Variants in PTPRD observed in about 807,000 individuals in gnomAD.
PTPRD encodes the protein receptor-type tyrosine-protein phosphatase delta.
Under a neutral mutation model 214.5 loss-of-function variants are expected in PTPRD, and 34 were observed. That is an observed-to-expected ratio of 0.16 (90% CI 0.12 to 0.21). The LOEUF is 0.21. Ranked by LOEUF, PTPRD falls within the 10% of genes least tolerant of loss-of-function variation. The pLI, the probability that PTPRD is intolerant of heterozygous loss-of-function variation, is 1.00. For missense variants in PTPRD, 2,545 were observed against 2,398.7 expected (o/e 1.06, Z -1.27); for synonymous variants, 1,128 against 845.7 (o/e 1.33, Z -5.79).
At chr9:9,549,142 G>T (rs971591819) in intron 8 of PTPRD, among the ~76,000 whole-genome samples, 1 of 151,714 alleles carries the variant, frequency 6.6e-6, no homozygotes, top group African/African-American at 2.4e-5. Context: ...ACTTATAAAA[G>T]AAAAAAAGCT....
intron 10 of PTPRD, among the ~76,000 whole-genome samples, chr9:9,052,403 A>ATAGT (rs1241234860): frequency 1.3e-5 from 2 of 152,176 alleles, no homozygotes; most frequent in East Asian, 3.8e-4. Flanking sequence ...TGTGACCCTA[A>ATAGT]TAGTAGATTG....
At chr9:10,097,120 A>T (rs1387362604) in intron 3 of PTPRD, among the ~76,000 whole-genome samples, 1 of 148,358 alleles carries the variant, frequency 6.7e-6, no homozygotes, top group Non-Finnish European at 1.5e-5. Context: ...TACCAGTACC[A>T]TGCTGTTTTG....
intron 3 of PTPRD, among the ~76,000 whole-genome samples, chr9:10,125,714 C>A (rs920179591): frequency 7.9e-5 from 12 of 151,132 alleles, no homozygotes; most frequent in Non-Finnish European, 1.5e-4. Flanking sequence ...GAACTCCTTT[C>A]CTCGGGATCC....
chr9:10,576,192 T>G (rs1278552108), intron 2 of PTPRD, among the ~76,000 whole-genome samples: 1 of 152,134 alleles, frequency 6.6e-6, no homozygotes, highest in Non-Finnish European at 1.5e-5. Flanking sequence ...AAATTTAATT[T>G]TCTTACTGCA....
intron 5 of PTPRD, among the ~76,000 whole-genome samples, chr9:9,921,751 GT>G (rs2082604818): frequency 7.2e-6 from 1 of 137,974 alleles, no homozygotes; most frequent in Non-Finnish European, 1.5e-5. Context: ...ATTTATAGAA[GT>G]AAAAAAAAAA....
chr9:8,968,050 C>T (rs1463554463), intron 11 of PTPRD, among the ~76,000 whole-genome samples: 1 of 151,978 alleles, frequency 6.6e-6, no homozygotes, highest in East Asian at 1.9e-4. Flanking sequence ...TGATGGTTTC[C>T]AGCTTCATCC....
At chr9:9,078,457 G>A (rs535546259) in intron 10 of PTPRD, among the ~76,000 whole-genome samples, 51 of 152,190 alleles carry the variant, frequency 3.4e-4, no homozygotes, top group Middle Eastern at 6.8e-3. Context: ...CTGTGGCTTC[G>A]AAAGGGCTGA....
intron 2 of PTPRD, among the ~76,000 whole-genome samples, chr9:10,591,162 G>C (rs1274150917): frequency 6.6e-6 from 1 of 151,898 alleles, no homozygotes; most frequent in Admixed American, 6.6e-5. Flanking sequence ...CCTGCTGAAT[G>C]ACCCAATTCT....
intron 12 of PTPRD, among the ~76,000 whole-genome samples, chr9:8,658,720 T>G (rs1198670802): frequency 6.6e-6 from 1 of 151,994 alleles, no homozygotes; most frequent in Non-Finnish European, 1.5e-5. Flanking sequence ...CTCCTTTTTT[T>G]GTCCTTTTTT....
intron 7 of PTPRD, among the ~76,000 whole-genome samples, chr9:9,600,616 G>A (rs945024082): frequency 1.3e-5 from 2 of 152,018 alleles, no homozygotes; most frequent in Non-Finnish European, 2.9e-5. Context: ...CAACCAAGAG[G>A]CCCTCCCCTA....
chr9:9,086,294 A>T (rs1158268039), intron 10 of PTPRD, among the ~76,000 whole-genome samples: 1 of 152,248 alleles, frequency 6.6e-6, no homozygotes, highest in Non-Finnish European at 1.5e-5. Context: ...TAGTAGTTTT[A>T]GTTTTGATAT....
chr9:8,346,352 AATT>A (rs1278704188), intron 39 of PTPRD, among the ~76,000 whole-genome samples: 1 of 152,108 alleles, frequency 6.6e-6, no homozygotes, highest in Non-Finnish European at 1.5e-5. Flanking sequence ...AATTGTTTCA[AATT>A]ATTTTATGCT....
chr9:8,843,970 T>C (rs2154537084), intron 11 of PTPRD, among the ~76,000 whole-genome samples: 1 of 152,318 alleles, frequency 6.6e-6, no homozygotes, highest in African/African-American at 2.4e-5. Context: ...TGAAAATTTC[T>C]AATTGGTATC....
At chr9:9,558,022 C>CT (rs1437898750) in intron 8 of PTPRD, among the ~76,000 whole-genome samples, 1 of 152,204 alleles carries the variant, frequency 6.6e-6, no homozygotes, top group Non-Finnish European at 1.5e-5. Flanking sequence ...TTTTACTTGC[C>CT]TTCAGGGTCA....
At chr9:8,326,485 A>T (rs1833900401) in intron 44 of PTPRD, among the ~76,000 whole-genome samples, 1 of 150,244 alleles carries the variant, frequency 6.7e-6, no homozygotes, top group Admixed American at 6.7e-5. Flanking sequence ...TATTTTATTG[A>T]GGATTTTGGC....
chr9:8,456,800 T>A (rs1373419364), intron 33 of PTPRD, among the ~76,000 whole-genome samples: 1 of 152,030 alleles, frequency 6.6e-6, no homozygotes, highest in Non-Finnish European at 1.5e-5. Flanking sequence ...CATTCAAGGA[T>A]GTTAATTTTG....
intron 8 of PTPRD, among the ~76,000 whole-genome samples, chr9:9,502,650 C>A (rs1343143854): frequency 6.6e-6 from 1 of 151,784 alleles, no homozygotes; most frequent in East Asian, 1.9e-4. Context: ...TTTATAGCAG[C>A]TTTATTCATA....
At chr9:10,326,055 T>G (rs989903631) in intron 3 of PTPRD, among the ~76,000 whole-genome samples, 2 of 151,830 alleles carry the variant, frequency 1.3e-5, no homozygotes, top group African/African-American at 4.8e-5. Flanking sequence ...TGATTAATTG[T>G]AAGGTAGATA....
chr9:8,330,348 T>C (rs891824315), intron 44 of PTPRD, among the ~76,000 whole-genome samples: 1 of 152,126 alleles, frequency 6.6e-6, no homozygotes, highest in Admixed American at 6.5e-5. Flanking sequence ...TGTTGTTTGT[T>C]TAGACCTAAT....
Sources: gnomAD v4.1 joint callset for allele counts (sites outside exome capture counted in the v4.1 genomes callset) on GRCh38, gnomAD v4.1.1 for gene constraint, MANE v1.5 for transcripts, NCBI Gene and HGNC (gene_info 2026-07-23, HGNC 2026-07-21) for gene names.